The following DGKE variants were observed in gnomAD, a reference collection of about 807,000 sequenced individuals.
DGKE encodes the protein diacylglycerol kinase epsilon.
A neutral mutation model predicts 70.0 loss-of-function variants in DGKE; 53 were observed. The ratio of observed to expected loss-of-function variants is 0.76; its 90% CI spans 0.61 to 0.95. The LOEUF is 0.95. Among genes scored for constraint, DGKE ranks in the 40% least tolerant of loss-of-function variants. The pLI, the probability that DGKE is intolerant of heterozygous loss-of-function variation, is 0.00. For missense variants in DGKE, 655 were observed against 706.9 expected, an observed-to-expected ratio of 0.93 and a Z score of 0.83; for synonymous variants, 291 against 257.0, an observed-to-expected ratio of 1.13 and a Z score of -1.27.
chr17:56,849,351 C>G (rs1907511512), intron 7 of DGKE, 119 bp downstream of exon 7: 1 of 866,950 alleles, frequency 1.2e-6, no homozygotes, highest in African/African-American at 1.7e-5. Context: ...TGGAGCAGAA[C>G]AGAAGCTTAT....
chr17:56,855,206 GAAC>G (rs1488014665), intron 7 of DGKE, among the ~76,000 whole-genome samples: 3 of 149,770 alleles, frequency 2.0e-5, no homozygotes, highest in African/African-American at 7.4e-5. Flanking sequence ...TTTTTTTAAA[GAAC>G]AACTAGGATT....
In DGKE at chr17:56,861,823, C is replaced by G. The variant is rs1268154287; in HGVS notation, c.1317C>G (p.Pro439=). The G allele has an allele frequency of 3.7e-6, 6 of 1,612,864 alleles. No individual in the cohort carries two copies. The highest frequency in any genetic ancestry group is 5.1e-6 in the Non-Finnish European group (6 of 1,179,580). Residue 439 remains proline (P), a synonymous_variant, in exon 10 of 12, where the codon CCC becomes CCG. Coordinates refer to ENST00000284061, the MANE Select transcript of DGKE (RefSeq NM_003647.3). ...TGGATGGTGAGCGAGTAGCACTGCC[C>G]AGCTTGGAAGGTATTATAGTTCTGA... The part of the protein sequence containing the change: ...LELDGERVAL[P]SLEGIIVLNI...
At chr17:56,840,492 CAGCCTCCCGAGT>C (rs1030451870) in intron 2 of DGKE, among the ~76,000 whole-genome samples, 1 of 152,168 alleles carries the variant, frequency 6.6e-6, no homozygotes, top group African/African-American at 2.4e-5. Context: ...TCACCCGCCT[CAGCCTCCCGAGT>C]AGCTGGGATT....
chr17:56,862,086 A>G (rs1908327784), intron 10 of DGKE, 54 bp from the exon 11 acceptor site: 3 of 1,591,868 alleles, frequency 1.9e-6, no homozygotes, highest in Non-Finnish European at 1.7e-6. Context: ...TTGCTCTAGC[A>G]TAACTGATTT....
intron 2 of DGKE, among the ~76,000 whole-genome samples, chr17:56,843,101 C>T (rs1266133645): frequency 6.6e-6 from 1 of 152,202 alleles, no homozygotes; most frequent in Non-Finnish European, 1.5e-5. Flanking sequence ...ACAGCAAGGA[C>T]TTTAGGCCTC....
In DGKE at chr17:56,867,113, T is replaced by C. The variant is rs1179247857; in HGVS notation, c.*4322T>C. On this transcript the variant is annotated 3_prime_UTR_variant, in exon 12 of 12. Transcript: ENST00000284061. ...AAATACACATCAATACATATATATTTACCCATGTGGCCCTGTGTAGTCAGT... is the reference window on the plus strand; with the variant it reads ...AAATACACATCAATACATATATATTCACCCATGTGGCCCTGTGTAGTCAGT... The C allele has an allele frequency of 6.6e-6, 1 of 152,342 alleles. No individual in the cohort carries two copies. The highest frequency in any genetic ancestry group is 2.1e-4 in the South Asian group (1 of 4,824). The allele number at this position is 152,342 out of a possible 1,614,324, so 9.4% of individuals were successfully genotyped here. A position where few individuals can be genotyped will look rare whatever the true frequency, so the allele number is the denominator to read the frequency against.
At position 56,864,398 on chromosome 17, in the gene DGKE, A is replaced by G. The variant is rs1908445010; in HGVS notation, c.*1607A>G. 1 of 152,230 alleles carries G rather than the reference A, an allele frequency of 6.6e-6. No homozygotes were observed. The highest frequency in any genetic ancestry group is 1.5e-5 in the Non-Finnish European group (1 of 68,038). 9.4% of individuals were successfully genotyped at this position (152,230 alleles called of 1,614,324 possible). On this transcript the variant is annotated 3_prime_UTR_variant, in exon 12 of 12. Coordinates refer to ENST00000284061, the MANE Select transcript of DGKE (RefSeq NM_003647.3). ...ACCTCAGGCCCAGACCATGTTTTCA[A>G]AGAGCAACTTAGTAATGTATACAGT...
At chr17:56,843,317 T>C (rs532494747) in intron 2 of DGKE, among the ~76,000 whole-genome samples, 6 of 152,372 alleles carry the variant, frequency 3.9e-5, no homozygotes, top group South Asian at 2.1e-4. Flanking sequence ...TTTTTGCACA[T>C]TTCTTTCACT....
At chr17:56,840,706 T>G (rs564695349) in intron 2 of DGKE, among the ~76,000 whole-genome samples, 1 of 152,180 alleles carries the variant, frequency 6.6e-6, no homozygotes, top group Admixed American at 6.5e-5. Context: ...GCCCGACACT[T>G]CCATGAGATT....
chr17:56,850,117 T>A (rs1407179271), intron 7 of DGKE, among the ~76,000 whole-genome samples: 1 of 152,012 alleles, frequency 6.6e-6, no homozygotes, highest in Non-Finnish European at 1.5e-5. Context: ...ACTACATCTT[T>A]TCTTTTTTTT....
At position 56,868,147 on chromosome 17, in the gene DGKE, C is replaced by T. The variant is rs1908608984; in HGVS notation, c.*5356C>T. ...GGAAAGCTCAGTTGTTTTCCTTGTT[C>T]CTCTGACATTGTCCAGGCAAGAGGG... On this transcript the variant is annotated 3_prime_UTR_variant, in exon 12 of 12. Coordinates refer to ENST00000284061, the MANE Select transcript of DGKE (RefSeq NM_003647.3). 6.6e-6 allele frequency: 1 copy of T among 152,218 alleles called. No homozygotes were observed. Among genetic ancestry groups the T allele is most frequent in the South Asian group, 2.1e-4 (1 of 4,828 alleles). 9.4% of individuals were successfully genotyped at this position (152,218 alleles called of 1,614,324 possible).
rs1598054751 is a variant in DGKE at position 56,866,257 on chromosome 17, G to C, written c.*3466G>C. The C allele has an allele frequency of 6.6e-6, 1 of 152,138 alleles. No homozygotes were observed. Among genetic ancestry groups the C allele is most frequent in the East Asian group, 1.9e-4 (1 of 5,186 alleles). The allele number at this position is 152,138 out of a possible 1,614,324, so 9.4% of individuals were successfully genotyped here. A position where few individuals can be genotyped will look rare whatever the true frequency, so the allele number is the denominator to read the frequency against. On this transcript the variant is annotated 3_prime_UTR_variant, in exon 12 of 12. Transcript: ENST00000284061. Reference sequence around the variant, plus strand: ...GCTATCTGCAGCATCAGAATGCCTGGGCAGGCTGTTGAAAGTATGGATTCC... The same window carrying C: ...GCTATCTGCAGCATCAGAATGCCTGCGCAGGCTGTTGAAAGTATGGATTCC...
In DGKE at chr17:56,862,697, A is replaced by G. The variant is rs759251106; in HGVS notation, c.1610A>G (p.Lys537Arg). Residue 537 changes from lysine (K) to arginine (R), a missense_variant, in exon 12 of 12, where the codon AAG becomes AGG. Physicochemically the swap from Lys to Arg is conservative, Grantham distance 26. Coordinates refer to ENST00000284061, the MANE Select transcript of DGKE (RefSeq NM_003647.3). ...CCCTGCACTGTCACCATAACTCACA[A>G]GACACATGCAATGATGTTATATTTC... ...QGPCTVTITH[K>R]THAMMLYFSG... The G allele has an allele frequency of 8.7e-6, 14 of 1,611,576 alleles. No individual in the cohort carries two copies. The East Asian group carries it at 2.9e-4, about 33-fold the overall frequency.
intron 7 of DGKE, among the ~76,000 whole-genome samples, chr17:56,850,401 G>A (rs776317431): frequency 1.9e-4 from 29 of 152,142 alleles, no homozygotes; most frequent in Non-Finnish European, 4.0e-4. Flanking sequence ...CCAAAGTGTT[G>A]GGATTACAGG....
intron 7 of DGKE, among the ~76,000 whole-genome samples, chr17:56,853,673 G>A (rs1907778900): frequency 6.6e-6 from 1 of 152,142 alleles, no homozygotes; most frequent in Non-Finnish European, 1.5e-5. Flanking sequence ...ACAAATGTTG[G>A]CAAGGATGTG....
intron 2 of DGKE, among the ~76,000 whole-genome samples, chr17:56,842,674 A>G (rs1325625573): frequency 6.6e-6 from 1 of 152,306 alleles, no homozygotes; most frequent in African/African-American, 2.4e-5. Context: ...CTGAATATCC[A>G]AAAGGAAAAA....
rs1410265632 is a variant in DGKE at position 56,869,340 on chromosome 17, A to G, written c.*6549A>G. Reference sequence around the variant, plus strand: ...GATAATTATTAGGGCAGGAGAGTGAATGCATCTTAATATGCATGGCAGAAC... The same window carrying G: ...GATAATTATTAGGGCAGGAGAGTGAGTGCATCTTAATATGCATGGCAGAAC... On this transcript the variant is annotated 3_prime_UTR_variant, in exon 12 of 12. Coordinates refer to ENST00000284061, the MANE Select transcript of DGKE (RefSeq NM_003647.3). 6.6e-6 allele frequency: 1 copy of G among 152,222 alleles called. No homozygotes were observed. Among genetic ancestry groups the G allele is most frequent in the Non-Finnish European group, 1.5e-5 (1 of 68,042 alleles). 9.4% of individuals were successfully genotyped at this position (152,222 alleles called of 1,614,324 possible).
chr17:56,862,048 T>C (rs1398123060), intron 10 of DGKE, 92 bp from the exon 11 acceptor site: 2 of 1,530,530 alleles, frequency 1.3e-6, no homozygotes, highest in Non-Finnish European at 1.8e-6. Context: ...ATTTTTTAAG[T>C]TGATGGTCCA....
chr17:56,858,620 A>G lies in DGKE; in HGVS notation c.1239A>G (p.Lys413=). The G allele has an allele frequency of 6.2e-7, 1 of 1,607,696 alleles. No individual in the cohort carries two copies. Among genetic ancestry groups the G allele is most frequent in the Non-Finnish European group, 8.5e-7 (1 of 1,177,686 alleles). The change falls in exon 9 of 12, where the codon AAA becomes AAG. Residue 413 remains lysine, a synonymous_variant. Transcript: ENST00000284061. ...NKAVYLFYGT[K]DCLVQECKDL... ...CGGTTTACTTATTCTATGGAACCAA[A>G]GATTGTTTAGTGCAAGAATGTAAAG... is the stretch of plus-strand genomic sequence containing the variant.
Sources: allele counts gnomAD v4.1 joint callset (sites outside exome capture counted in the v4.1 genomes callset), GRCh38; gene constraint gnomAD v4.1.1; transcripts MANE v1.5; gene names NCBI Gene and HGNC (gene_info 2026-07-23, HGNC 2026-07-21).